Variants in NSD3 observed in about 807,000 individuals in gnomAD.
NSD3 encodes histone-lysine N-methyltransferase NSD3.
In NSD3, 24 loss-of-function variants were observed where a neutral mutation model predicts 160.8. The observed-to-expected ratio is 0.15, with a 90% CI of 0.11 to 0.21. NSD3 has a LOEUF of 0.21. Among genes scored for constraint, NSD3 ranks in the 10% least tolerant of loss-of-function variants. The pLI is 1.00. For synonymous variants in NSD3, 520 were observed against 600.0 expected, an observed-to-expected ratio of 0.87 and a Z score of 1.95; for missense variants, 1,157 against 1,735.9, an observed-to-expected ratio of 0.67 and a Z score of 5.93.
intron 12 of NSD3, among the ~76,000 whole-genome samples, chr8:38,309,170 C>A (rs868576140): frequency 5.3e-5 from 8 of 151,126 alleles, no homozygotes; most frequent in East Asian, 2.0e-4. Context: ...AAAACAAAAC[C>A]AAAAAACTAG....
chr8:38,364,249 C>A (rs1162347079), intron 1 of NSD3, among the ~76,000 whole-genome samples: 1 of 151,640 alleles, frequency 6.6e-6, no homozygotes, highest in Non-Finnish European at 1.5e-5. Flanking sequence ...TGCACTCCAG[C>A]CTGGGTGACA....
rs188808444 is a variant in NSD3, at chr8:38,361,026, A to G, written c.-44-12811T>C. Among the ~76,000 whole-genome samples the G allele has an allele frequency of 1.6e-3, 246 of 152,302 alleles. 2 individuals carry two copies. The highest frequency in any genetic ancestry group is 5.6e-3 in the African/African-American group (231 of 41,582). On this transcript the variant is annotated intron_variant, in intron 1 of 23. Transcript: ENST00000317025. ...GACCACTCTTTTCAATAAATGAAGG[A>G]GAAATAATTTTTTTTTTGAGACAGA... is the stretch of plus-strand genomic sequence containing the variant.
At chr8:38,339,374 A>G (rs1293885595) in intron 2 of NSD3, among the ~76,000 whole-genome samples, 7 of 152,220 alleles carry the variant, frequency 4.6e-5, no homozygotes, top group African/African-American at 1.7e-4. Flanking sequence ...GATGTAAAAA[A>G]TATGGATAAG....
rs1335513995 is a variant in NSD3, at chr8:38,279,963, G to A, written c.3619-282C>T. On this transcript the variant is annotated intron_variant, in intron 20 of 23. Transcript: ENST00000317025. ...ATAATGCTATTTAGAAGATTAGTGG[G>A]CCAGAGGTTTAGGAATGGTATTTTC... 2.7e-5 allele frequency: 8 copies of A among 297,984 alleles called. 1 individual carries two copies. The highest frequency in any genetic ancestry group is 1.5e-4 in the South Asian group (2 of 13,472). The allele number at this position is 297,984 out of a possible 1,614,324, so 18.5% of individuals were successfully genotyped here.
At chr8:38,330,757 C>T (rs1185679573) in intron 5 of NSD3, among the ~76,000 whole-genome samples, 3 of 152,222 alleles carry the variant, frequency 2.0e-5, no homozygotes, top group African/African-American at 7.2e-5. Context: ...GAGACCCACA[C>T]TAATTTAGTT....
At chr8:38,284,448 G>A (rs1808810112) in intron 19 of NSD3, among the ~76,000 whole-genome samples, 1 of 152,206 alleles carries the variant, frequency 6.6e-6, no homozygotes, top group South Asian at 2.1e-4. Context: ...GAGTGCAATG[G>A]CGTGATCTTG....
chr8:38,321,126 A>G lies in NSD3; in HGVS notation c.1755T>C (p.Ser585=). The G allele has an allele frequency of 1.9e-6, 3 of 1,613,452 alleles. No individual in the cohort carries two copies. The highest frequency in any genetic ancestry group is 2.5e-6 in the Non-Finnish European group (3 of 1,179,882). The change falls in exon 8 of 24, where the codon TCT becomes TCC. Residue 585 remains serine, a synonymous_variant. Transcript: ENST00000317025. The surrounding 1 kb of genome is among the most constrained non-coding windows in gnomAD (Gnocchi z 4.7). ...KQQRRSIRTR[S]ESEKSTEVVP... ...CAACCTCAGTGGATTTCTCTGATTC[A>G]GAACGAGTTCTAATTGATCTTCTCT...
At chr8:38,298,818 G>A in intron 15 of NSD3, among the ~76,000 whole-genome samples, 1 of 152,140 alleles carries the variant, frequency 6.6e-6, no homozygotes, top group East Asian at 1.9e-4. Flanking sequence ...TTTAGCTCTT[G>A]GTACTGTGTG....
chr8:38,300,309 A>G (rs1809250144), intron 14 of NSD3, among the ~76,000 whole-genome samples: 1 of 152,000 alleles, frequency 6.6e-6, no homozygotes. Context: ...CTACAGATAC[A>G]TGCCACCACA....
intron 7 of NSD3, among the ~76,000 whole-genome samples, chr8:38,325,025 G>A (rs778704436): frequency 6.6e-6 from 1 of 152,212 alleles, no homozygotes; most frequent in Non-Finnish European, 1.5e-5. Flanking sequence ...TCATGAACCA[G>A]TAAATGTAAA....
intron 1 of NSD3, among the ~76,000 whole-genome samples, chr8:38,354,612 T>C (rs1183834808): frequency 2.0e-5 from 3 of 152,202 alleles, no homozygotes; most frequent in Non-Finnish European, 4.4e-5. Context: ...AAAAAAGGTA[T>C]ATATACCTAG....
intron 12 of NSD3, among the ~76,000 whole-genome samples, chr8:38,311,012 C>G (rs1809522270): frequency 6.7e-6 from 1 of 150,036 alleles, no homozygotes; most frequent in Admixed American, 6.6e-5. Flanking sequence ...TTTTTTGATA[C>G]TATTCATTCT....
chr8:38,332,571 G>C (rs532267082), intron 4 of NSD3, among the ~76,000 whole-genome samples: 1 of 152,210 alleles, frequency 6.6e-6, no homozygotes, highest in Non-Finnish European at 1.5e-5. Context: ...TAAGGGCAAT[G>C]CTACTCTGAA....
intron 1 of NSD3, among the ~76,000 whole-genome samples, chr8:38,356,808 T>C (rs1810835031): frequency 6.6e-6 from 1 of 152,064 alleles, no homozygotes. Context: ...ATAGAAACTT[T>C]ATATTTAATT....
intron 1 of NSD3, among the ~76,000 whole-genome samples, chr8:38,371,368 A>G (rs1811239340): frequency 6.6e-6 from 1 of 152,176 alleles, no homozygotes; most frequent in Non-Finnish European, 1.5e-5. Flanking sequence ...ATAAAAACCA[A>G]CAGGTGGTAA....
At chr8:38,287,709 G>A (rs997259327) in intron 19 of NSD3, among the ~76,000 whole-genome samples, 2 of 151,460 alleles carry the variant, frequency 1.3e-5, no homozygotes, top group African/African-American at 2.4e-5. Flanking sequence ...CTAGAGTGCG[G>A]TGGCACGATC....
Position 38,343,469 on chromosome 8 carries a change from A to G in NSD3, c.675+4028T>C, listed in dbSNP as rs945449251. Among the ~76,000 whole-genome samples the G allele has an allele frequency of 3.9e-5, 6 of 152,254 alleles. No homozygotes were observed. In the East Asian group the frequency reaches 9.7e-4, roughly 25 times the overall value. On this transcript the variant is annotated intron_variant, in intron 2 of 23. Transcript: ENST00000317025. ...GTAATCCAAGCAGTTTGGGAGGCCA[A>G]GGTGGGTGGATCACCCTAAGGTCAG...
Position 38,281,499 on chromosome 8 carries a change from C to A in NSD3, c.3586G>T (p.Val1196Leu). The change falls in exon 20 of 24, where the codon GTA (valine) becomes TTA (leucine). Residue 1196 changes from valine to leucine, a missense_variant. Coordinates refer to ENST00000317025, the MANE Select transcript of NSD3 (RefSeq NM_023034.2). ...LRIKRAHENS[V>L]TNFYMLTVTK... The stretch of plus-strand genomic sequence containing the variant: ...ACAGTTAACATATAAAAATTAGTTA[C>A]ACTGTTCTCGTGGGCTCGCTTGATT... 2.6e-6 allele frequency: 4 copies of A among 1,549,738 alleles called. No homozygotes were observed. Among genetic ancestry groups the A allele is most frequent in the Non-Finnish European group, 3.5e-6 (4 of 1,144,774 alleles).
chr8:38,318,167 G>A lies in NSD3; in HGVS notation c.1855+728C>T. 1.9e-6 allele frequency: 2 copies of A among 1,049,514 alleles called. No homozygotes were observed. The highest frequency in any genetic ancestry group is 2.7e-6 in the Non-Finnish European group (2 of 728,798). 65.0% of individuals were successfully genotyped at this position (1,049,514 alleles called of 1,614,324 possible). On this transcript the variant is annotated intron_variant, in intron 9 of 23. Transcript: ENST00000317025. This position sits in a 1 kb window ranked among gnomAD's most constrained non-coding sequence, Gnocchi z 5.3. Reference sequence around the variant, plus strand: ...GTTCAGTTCTGCTGAGGATCTCCACGGAGACCATCGCTGCAGACTTCTCCC... The same window carrying A: ...GTTCAGTTCTGCTGAGGATCTCCACAGAGACCATCGCTGCAGACTTCTCCC...
Sources: gnomAD v4.1 joint callset for allele counts (sites outside exome capture counted in the v4.1 genomes callset) on GRCh38, gnomAD v4.1.1 for gene constraint, Gnocchi (gnomAD v3.1) non-coding constraint, MANE v1.5 for transcripts, NCBI Gene and HGNC (gene_info 2026-07-23, HGNC 2026-07-21) for gene names.